The following FHOD3 variants were observed in gnomAD, a reference collection of about 807,000 sequenced individuals.
The protein encoded by FHOD3 is FH1/FH2 domain-containing protein 3.
In FHOD3, 90 loss-of-function variants were observed where a neutral mutation model predicts 173.0. The ratio of observed to expected loss-of-function variants is 0.52; its 90% CI spans 0.44 to 0.62. The LOEUF is 0.62. Among genes scored for constraint, FHOD3 ranks in the 20% least tolerant of loss-of-function variants. The pLI is 0.00. For missense variants in FHOD3, 1,945 were observed against 2,034.7 expected (o/e 0.96, Z 0.85); for synonymous variants, 828 against 823.0 (o/e 1.01, Z -0.10).
intron 1 of FHOD3, among the ~76,000 whole-genome samples, chr18:36,305,667 T>C (rs1598637971): frequency 6.6e-6 from 1 of 152,092 alleles, no homozygotes; most frequent in East Asian, 1.9e-4. Flanking sequence ...TTGGGGTGTA[T>C]AGCAAATGAA....
At chr18:36,714,316 C>A (rs994270403) in intron 18 of FHOD3, among the ~76,000 whole-genome samples, 4 of 152,120 alleles carry the variant, frequency 2.6e-5, no homozygotes, top group Non-Finnish European at 5.9e-5. Flanking sequence ...GCGGGCAGAT[C>A]ACTTGAATTC....
intron 3 of FHOD3, among the ~76,000 whole-genome samples, chr18:36,401,870 A>G (rs746808048): frequency 1.3e-5 from 2 of 152,192 alleles, no homozygotes; most frequent in Non-Finnish European, 2.9e-5. Flanking sequence ...ATTGATTTAC[A>G]AGTAGAAATA....
intron 19 of FHOD3, among the ~76,000 whole-genome samples, chr18:36,719,438 T>C (rs1258645462): frequency 3.9e-5 from 6 of 152,202 alleles, no homozygotes; most frequent in African/African-American, 1.4e-4. Context: ...CTGCAAGATA[T>C]GGGATCACAG....
chr18:36,664,880 T>A (rs1495899), intron 14 of FHOD3, among the ~76,000 whole-genome samples: 33,592 of 151,274 alleles, frequency 0.22, 3,937 homozygotes, highest in African/African-American at 0.29. Context: ...CTCATGCCTA[T>A]AATCCCAGCA....
chr18:36,414,540 A>G (rs1228732873), intron 3 of FHOD3, among the ~76,000 whole-genome samples: 1 of 152,146 alleles, frequency 6.6e-6, no homozygotes, highest in East Asian at 1.9e-4. Context: ...GTCTTACCTG[A>G]AGGCTCCAGC....
At chr18:36,424,247 G>C (rs2050132647) in intron 3 of FHOD3, among the ~76,000 whole-genome samples, 1 of 152,158 alleles carries the variant, frequency 6.6e-6, no homozygotes, top group African/African-American at 2.4e-5. Flanking sequence ...TCACAGTACA[G>C]TGCCACATTT....
intron 3 of FHOD3, among the ~76,000 whole-genome samples, chr18:36,441,180 G>A (rs2143764966): frequency 6.6e-6 from 1 of 152,138 alleles, no homozygotes; most frequent in South Asian, 2.1e-4. Context: ...CAGTAAAAAT[G>A]GGTGAGGTGA....
At chr18:36,704,090 C>T (rs2039737328) in intron 17 of FHOD3, among the ~76,000 whole-genome samples, 1 of 152,184 alleles carries the variant, frequency 6.6e-6, no homozygotes, top group Admixed American at 6.5e-5. Context: ...TTTTCTATTA[C>T]TTCTTCCACC....
At chr18:36,649,208 T>G in intron 10 of FHOD3, 108 bp from the exon 11 acceptor site, 34 of 564,970 alleles carry the variant, frequency 6.0e-5, no homozygotes, top group Middle Eastern at 4.1e-4. Context: ...TATTATTTCG[T>G]TGTTGTTGTT....
At chr18:36,710,192 A>G (rs2040092972) in intron 18 of FHOD3, 1 of 152,226 alleles carries the variant, frequency 6.6e-6, no homozygotes, top group Non-Finnish European at 1.5e-5. Context: ...AATCGTGAAT[A>G]ATTCATATGA....
At chr18:36,337,573 A>G (rs2045385511) in intron 1 of FHOD3, among the ~76,000 whole-genome samples, 1 of 152,192 alleles carries the variant, frequency 6.6e-6, no homozygotes, top group Admixed American at 6.5e-5. Flanking sequence ...CTGGAGCTCC[A>G]GGGGAGACAA....
At chr18:36,708,992 C>T (rs2040024691) in intron 17 of FHOD3, 103 bp from the exon 18 acceptor site, 1 of 1,389,932 alleles carries the variant, frequency 7.2e-7, no homozygotes, top group Non-Finnish European at 9.9e-7. Flanking sequence ...CATCTTTGGA[C>T]ATCTGTCCAC....
intron 13 of FHOD3, among the ~76,000 whole-genome samples, chr18:36,655,631 T>C (rs764488603): frequency 5.9e-5 from 9 of 152,304 alleles, no homozygotes; most frequent in Non-Finnish European, 1.3e-4. Flanking sequence ...ATGTTCACTT[T>C]TTGTGGTTTT....
chr18:36,315,758 C>T (rs563337187), intron 1 of FHOD3, among the ~76,000 whole-genome samples: 15 of 152,240 alleles, frequency 9.9e-5, no homozygotes, highest in South Asian at 4.1e-4. Flanking sequence ...CCCAGATCTG[C>T]GATGTCCTAG....
intron 5 of FHOD3, among the ~76,000 whole-genome samples, chr18:36,539,337 C>G (rs1359096531): frequency 1.3e-5 from 2 of 152,196 alleles, no homozygotes; most frequent in Non-Finnish European, 2.9e-5. Flanking sequence ...GCAGGGCATG[C>G]TGTGACTTTA....
intron 6 of FHOD3, among the ~76,000 whole-genome samples, chr18:36,585,024 A>G (rs1427717351): frequency 6.6e-6 from 1 of 152,210 alleles, no homozygotes; most frequent in East Asian, 1.9e-4. Flanking sequence ...AGTATATTAT[A>G]AGCATTTCCT....
intron 3 of FHOD3, among the ~76,000 whole-genome samples, chr18:36,487,965 G>C (rs1055929960): frequency 6.6e-6 from 1 of 152,162 alleles, no homozygotes; most frequent in Admixed American, 6.5e-5. Context: ...TATTTAAGCT[G>C]TACTGAACTT....
rs181941428 is a variant in FHOD3, at chr18:36,708,149, C to T, written c.2237-946C>T. ...TTTCCCTGTTCCCTAGAGTGTCACA[C>T]GAGTGAGAACATGATCATCTTACCT... On this transcript the variant is annotated intron_variant, in intron 17 of 28. Transcript: ENST00000590592. 1.4e-4 allele frequency among the ~76,000 whole-genome samples: 21 copies of T among 152,324 alleles called. 1 individual carries two copies. The highest frequency in any genetic ancestry group is 1.2e-3 in the Admixed American group (19 of 15,304).
chr18:36,516,340 C>G (rs1568372885), intron 5 of FHOD3, among the ~76,000 whole-genome samples: 1 of 152,184 alleles, frequency 6.6e-6, no homozygotes. Context: ...CAGGGCCACT[C>G]AGGAAGCACA....
Sources: allele counts gnomAD v4.1 joint callset (sites outside exome capture counted in the v4.1 genomes callset), GRCh38; gene constraint gnomAD v4.1.1; transcripts MANE v1.5; gene names NCBI Gene and HGNC (gene_info 2026-07-23, HGNC 2026-07-21).